The following EXD3 variants were observed in gnomAD, a reference collection of about 807,000 sequenced individuals.
EXD3 encodes exonuclease 3'-5' domain containing 3.
EXD3 carries 92 observed loss-of-function variants against 98.0 expected under a neutral mutation model. The observed-to-expected ratio is 0.94, with a 90% CI of 0.79 to 1.12. The LOEUF is 1.12. Ranked by LOEUF, EXD3 falls within the 50% of genes most tolerant of loss-of-function variation. The pLI is 0.00. For missense variants in EXD3, 1,222 were observed against 1,191.6 expected (o/e 1.03, Z -0.38); for synonymous variants, 569 against 526.0 (o/e 1.08, Z -1.12).
chr9:137,327,032 G>A (rs566166447), intron 17 of EXD3, among the ~76,000 whole-genome samples: 47 of 152,102 alleles, frequency 3.1e-4, no homozygotes, highest in African/African-American at 9.4e-4. Context: ...ATGATTCCAC[G>A]TCTACGAGGT....
chr9:137,415,630 G>C (rs1461824028), intron 1 of EXD3, among the ~76,000 whole-genome samples: 1 of 152,176 alleles, frequency 6.6e-6, no homozygotes, highest in South Asian at 2.1e-4. Context: ...CTGCAAGGAC[G>C]GGTCAGGTGG....
intron 17 of EXD3, among the ~76,000 whole-genome samples, chr9:137,346,837 G>A (rs778564383): frequency 2.6e-5 from 4 of 151,996 alleles, no homozygotes; most frequent in South Asian, 2.1e-4. Context: ...GTTTTGAGAC[G>A]GAGTCTTGCT....
chr9:137,393,877 T>C lies in EXD3; in HGVS notation c.55+1426A>G, dbSNP rs1029598391. Among the ~76,000 whole-genome samples the C allele has an allele frequency of 5.3e-5, 8 of 152,272 alleles. No individual in the cohort carries two copies. Among genetic ancestry groups the C allele is most frequent in the Non-Finnish European group, 8.8e-5 (6 of 67,986 alleles). ...GGCCTGCAGCCCAGGGCGAGGCGGC[T>C]GGGCCAGGGCCTTACAGCTCTCACT... On this transcript the variant is annotated intron_variant, in intron 2 of 21. Transcript: ENST00000340951. This position sits in a 1 kb window ranked among gnomAD's most constrained non-coding sequence, Gnocchi z 4.6.
chr9:137,419,241 G>C (rs183641053), intron 1 of EXD3, among the ~76,000 whole-genome samples: 3 of 152,150 alleles, frequency 2.0e-5, no homozygotes, highest in African/African-American at 4.8e-5. Context: ...GTTATCAGTC[G>C]TGATTACGAT....
At position 137,393,238 on chromosome 9, in the gene EXD3, G is replaced by A. The variant is rs1488702357; in HGVS notation, c.55+2065C>T. 7.1e-6 allele frequency: 5 copies of A among 702,612 alleles called. No homozygotes were observed. Among genetic ancestry groups the A allele is most frequent in the Non-Finnish European group, 1.0e-5 (4 of 384,868 alleles). 43.5% of individuals were successfully genotyped at this position (702,612 alleles called of 1,614,324 possible). A position where few individuals can be genotyped will look rare whatever the true frequency, so the allele number is the denominator to read the frequency against. ...AGGCTGTAGAAGCCTGTGGGTGCCT[G>A]TGCAGGGAGAGTCAGCTCTGTGCTG... On this transcript the variant is annotated intron_variant, in intron 2 of 21. Coordinates refer to ENST00000340951, the MANE Select transcript of EXD3 (RefSeq NM_017820.5). The surrounding 1 kb of genome is among the most constrained non-coding windows in gnomAD (Gnocchi z 4.6).
At chr9:137,322,537 G>A (rs1202116416) in intron 19 of EXD3, among the ~76,000 whole-genome samples, 4 of 85,180 alleles carry the variant, frequency 4.7e-5, no homozygotes, top group South Asian at 5.6e-4. Flanking sequence ...ATGCTCTGCC[G>A]ACACCTCAAC....
Position 137,354,967 on chromosome 9 carries a change from C to T in EXD3, c.758-194G>A, listed in dbSNP as rs145660336. Among the ~76,000 whole-genome samples, 6 of 152,332 alleles carry T rather than the reference C, an allele frequency of 3.9e-5. No individual in the cohort carries two copies. In the East Asian group the frequency reaches 5.8e-4, roughly 15 times the overall value. On this transcript the variant is annotated intron_variant, in intron 8 of 21. Transcript: ENST00000340951. ...ACCCCACTCAGCCTGGGGGTCCCGC[C>T]GGCCCCGGGGTCTCCCTTGCACTTG...
intron 1 of EXD3, among the ~76,000 whole-genome samples, chr9:137,402,114 C>G (rs1283487360): frequency 6.6e-6 from 1 of 152,066 alleles, no homozygotes; most frequent in East Asian, 1.9e-4. Context: ...CTTTCTGGTT[C>G]AAGTGATTCT....
At chr9:137,327,636 AC>A (rs1832507335) in intron 17 of EXD3, among the ~76,000 whole-genome samples, 1 of 151,114 alleles carries the variant, frequency 6.6e-6, no homozygotes, top group Non-Finnish European at 1.5e-5. Flanking sequence ...ACAAATATAC[AC>A]CCATATGATG....
At chr9:137,350,967 G>A in intron 14 of EXD3, 71 bp downstream of exon 14, 13 of 1,300,286 alleles carry the variant, frequency 1.0e-5, no homozygotes, top group African/African-American at 2.9e-5. Flanking sequence ...GGGAAGGTGT[G>A]GAGGGGCCCC....
intron 8 of EXD3, among the ~76,000 whole-genome samples, chr9:137,355,607 GGAGGAAGGAGGAAGGGAGGAT>G (rs1331378063): frequency 1.9e-4 from 10 of 51,802 alleles, no homozygotes; most frequent in Non-Finnish European, 1.8e-4. Flanking sequence ...GAAGGAGAAA[GGAGGAAGGAGGAAGGGAGGAT>G]GGAGGAAGGA....
intron 1 of EXD3, among the ~76,000 whole-genome samples, chr9:137,412,114 C>T (rs572526330): frequency 7.2e-5 from 11 of 152,342 alleles, no homozygotes; most frequent in East Asian, 1.9e-4. Context: ...GCCCTGCAGC[C>T]GCCACCCCCA....
intron 19 of EXD3, among the ~76,000 whole-genome samples, chr9:137,311,401 G>C (rs1470633448): frequency 6.6e-6 from 1 of 152,234 alleles, no homozygotes; most frequent in Non-Finnish European, 1.5e-5. Flanking sequence ...TCTCCACTGT[G>C]CAGGCCACCT....
At chr9:137,361,818 C>G (rs1271599704) in intron 7 of EXD3, among the ~76,000 whole-genome samples, 12 of 149,886 alleles carry the variant, frequency 8.0e-5, no homozygotes, top group Admixed American at 2.0e-4. Flanking sequence ...TGAGTAGAAA[C>G]TGACCTAGAA....
At chr9:137,367,878 G>C in intron 6 of EXD3, 58 bp downstream of exon 6, 1 of 1,528,602 alleles carries the variant, frequency 6.5e-7, no homozygotes, top group Non-Finnish European at 9.0e-7. Context: ...ACTGTTTATA[G>C]AGACCTGGGC....
At position 137,307,906 on chromosome 9, in the gene EXD3, CGA is replaced by C. The variant is rs373209828; in HGVS notation, c.2279-262_2279-261del. Reference sequence around the variant, plus strand: ...GTCCCTGGGAAACATGTTCTAGGCGCGAGATCTGCTGATTAGGGCTCTTGGGG... The same window carrying C: ...GTCCCTGGGAAACATGTTCTAGGCGCGATCTGCTGATTAGGGCTCTTGGGG... On this transcript the variant is annotated intron_variant, in intron 20 of 21. Transcript: ENST00000340951. Among the ~76,000 whole-genome samples, 407 of 151,808 alleles carry C rather than the reference CGA, an allele frequency of 2.7e-3. 3 individuals carry two copies. The highest frequency in any genetic ancestry group is 9.0e-3 in the African/African-American group (371 of 41,364).
chr9:137,308,081 G>A (rs1406656031), intron 20 of EXD3, among the ~76,000 whole-genome samples: 1 of 152,132 alleles, frequency 6.6e-6, no homozygotes, highest in African/African-American at 2.4e-5. Context: ...AGGGTCTGTT[G>A]GAGACCCTGG....
intron 2 of EXD3, among the ~76,000 whole-genome samples, chr9:137,390,257 C>T (rs1836832526): frequency 6.7e-6 from 1 of 150,352 alleles, no homozygotes; most frequent in African/African-American, 2.5e-5. Context: ...GGTGAAACCC[C>T]ATCTCTACTA....
At chr9:137,375,134 G>C (rs369972702) in intron 3 of EXD3, among the ~76,000 whole-genome samples, 10 of 152,040 alleles carry the variant, frequency 6.6e-5, no homozygotes, top group African/African-American at 2.2e-4. Flanking sequence ...TCAGCCTCCC[G>C]TGTAGCTGGG....
Sources: allele counts gnomAD v4.1 joint callset (sites outside exome capture counted in the v4.1 genomes callset), GRCh38; gene constraint gnomAD v4.1.1; non-coding constraint Gnocchi (gnomAD v3.1); transcripts MANE v1.5; gene names NCBI Gene and HGNC (gene_info 2026-07-23, HGNC 2026-07-21).